Variants in SORCS3 observed in about 807,000 individuals in gnomAD.
SORCS3 encodes the protein VPS10 domain-containing receptor SorCS3.
In SORCS3, 57 loss-of-function variants were observed where a neutral mutation model predicts 146.3. The observed-to-expected ratio is 0.39, with a 90% CI of 0.31 to 0.49. The LOEUF (loss-of-function observed/expected upper bound fraction) is 0.49, where lower values mean the gene tolerates loss of function less well. SORCS3 is among the 20% of genes least tolerant of loss of function. The pLI is 0.92. For missense variants in SORCS3, 1,341 were observed against 1,575.5 expected, an observed-to-expected ratio of 0.85 and a Z score of 2.52; for synonymous variants, 653 against 618.5, an observed-to-expected ratio of 1.06 and a Z score of -0.83.
chr10:104,807,267 A>G (rs895357798), intron 1 of SORCS3, among the ~76,000 whole-genome samples: 9 of 152,010 alleles, frequency 5.9e-5, no homozygotes, highest in Non-Finnish European at 4.4e-5. Context: ...AAAACATACC[A>G]CTTTTTATTC....
Position 104,641,695 on chromosome 10 carries a change from C to A in SORCS3, c.368C>A (p.Ala123Asp). ...CGGGGCCGGGGCATCCCAGCTCCTGCCAAGCTTGGCGGCGCGAGGAGGAGT... is the reference window on the plus strand; with the variant it reads ...CGGGGCCGGGGCATCCCAGCTCCTGACAAGCTTGGCGGCGCGAGGAGGAGT... ...ERRGRGIPAP[A>D]KLGGARRSRR... is the part of the protein sequence containing the mutation. The change falls in exon 1 of 27, where the codon GCC (alanine) becomes GAC (aspartate). Residue 123 changes from alanine (A) to aspartate (D), a missense_variant. By Grantham distance (126) the Ala-to-Asp change is moderately radical (BLOSUM62 -2). Coordinates refer to ENST00000369701, the MANE Select transcript of SORCS3 (RefSeq NM_014978.3). The surrounding 1 kb of genome is among the most constrained non-coding windows in gnomAD (Gnocchi z 6.4). The A allele has an allele frequency of 2.0e-6, 3 of 1,535,030 alleles. No homozygotes were observed. The highest frequency in any genetic ancestry group is 2.6e-6 in the Non-Finnish European group (3 of 1,143,256).
intron 1 of SORCS3, among the ~76,000 whole-genome samples, chr10:104,715,615 G>A (rs946777582): frequency 6.6e-6 from 1 of 152,024 alleles, no homozygotes; most frequent in African/African-American, 2.4e-5. Context: ...ACATCGAAGG[G>A]GTAGGTGAAA....
chr10:104,973,599 A>T (rs1225768134), intron 3 of SORCS3, among the ~76,000 whole-genome samples: 2 of 149,326 alleles, frequency 1.3e-5, no homozygotes, highest in African/African-American at 5.0e-5. Flanking sequence ...TTTCTTTATT[A>T]GTCTTGCTAG....
At chr10:104,739,361 G>T (rs952128921) in intron 1 of SORCS3, among the ~76,000 whole-genome samples, 7 of 152,122 alleles carry the variant, frequency 4.6e-5, no homozygotes, top group African/African-American at 1.4e-4. Context: ...TTCTGCTATT[G>T]TCACATAGAA....
chr10:105,097,038 G>T (rs1409779829), intron 6 of SORCS3, among the ~76,000 whole-genome samples: 1 of 152,140 alleles, frequency 6.6e-6, no homozygotes, highest in East Asian at 1.9e-4. Flanking sequence ...GGATGGTGCT[G>T]CTCTAGACTG....
intron 4 of SORCS3, among the ~76,000 whole-genome samples, chr10:105,025,122 A>G (rs762439095): frequency 4.6e-5 from 7 of 152,140 alleles, no homozygotes; most frequent in Non-Finnish European, 1.0e-4. Context: ...CCTTCCTTCA[A>G]CAGAGATATT....
intron 1 of SORCS3, among the ~76,000 whole-genome samples, chr10:104,798,038 A>G (rs989002138): frequency 2.6e-5 from 4 of 152,106 alleles, no homozygotes; most frequent in African/African-American, 9.7e-5. Context: ...CCCATAAGGT[A>G]ATTTCAGGGG....
At chr10:104,927,658 CACCTGAGGTCAGGAGTTCAAG>C (rs1423970069) in intron 3 of SORCS3, among the ~76,000 whole-genome samples, 1 of 152,122 alleles carries the variant, frequency 6.6e-6, no homozygotes. Flanking sequence ...GCAGGTGGAT[CACCTGAGGTCAGGAGTTCAAG>C]ACTAGCCTGG....
At chr10:105,085,408 C>A (rs571169594) in intron 5 of SORCS3, among the ~76,000 whole-genome samples, 4 of 152,192 alleles carry the variant, frequency 2.6e-5, no homozygotes, top group Non-Finnish European at 5.9e-5. Context: ...TGAGCAGCTT[C>A]ATTTCCTCCC....
intron 3 of SORCS3, among the ~76,000 whole-genome samples, chr10:104,953,513 C>T (rs74455705): frequency 0.079 from 12,039 of 152,278 alleles, 761 homozygotes; most frequent in Non-Finnish European, 0.12. Context: ...AGGTAGGATC[C>T]AGGAAAATGC....
At chr10:104,697,056 G>A (rs2016225044) in intron 1 of SORCS3, among the ~76,000 whole-genome samples, 1 of 151,836 alleles carries the variant, frequency 6.6e-6, no homozygotes, top group African/African-American at 2.4e-5. Flanking sequence ...TCCAGCATGG[G>A]TGGTGATGGA....
At chr10:105,057,306 G>T (rs1027006867) in intron 5 of SORCS3, among the ~76,000 whole-genome samples, 8 of 152,002 alleles carry the variant, frequency 5.3e-5, no homozygotes, top group African/African-American at 1.7e-4. Context: ...AATGACAGAA[G>T]ACCATTCATT....
chr10:105,053,778 T>G (rs1383197454), intron 5 of SORCS3, among the ~76,000 whole-genome samples: 24 of 152,074 alleles, frequency 1.6e-4, no homozygotes, highest in Admixed American at 1.6e-3. Flanking sequence ...ATCATTCTTT[T>G]GTTATTTGAT....
chr10:104,994,434 C>T (rs1254119792), intron 4 of SORCS3, among the ~76,000 whole-genome samples: 5 of 152,094 alleles, frequency 3.3e-5, no homozygotes, highest in Admixed American at 3.3e-4. Context: ...ATTTTTTAAA[C>T]AACTTTATTG....
At chr10:104,810,990 G>A (rs1367259160) in intron 1 of SORCS3, among the ~76,000 whole-genome samples, 1 of 152,130 alleles carries the variant, frequency 6.6e-6, no homozygotes, top group Non-Finnish European at 1.5e-5. Flanking sequence ...GAATTGTACT[G>A]TATGTAAATT....
intron 20 of SORCS3, among the ~76,000 whole-genome samples, chr10:105,233,297 T>C (rs1238916018): frequency 6.6e-6 from 1 of 152,190 alleles, no homozygotes; most frequent in Non-Finnish European, 1.5e-5. Flanking sequence ...TTCACTTGTA[T>C]GTAAACATAC....
intron 13 of SORCS3, among the ~76,000 whole-genome samples, chr10:105,174,478 T>G (rs2056383888): frequency 6.6e-6 from 1 of 152,178 alleles, no homozygotes; most frequent in Non-Finnish European, 1.5e-5. Flanking sequence ...AATGGCAGCC[T>G]ATCCAGACCC....
intron 2 of SORCS3, among the ~76,000 whole-genome samples, chr10:104,893,026 CT>C (rs1193728913): frequency 6.6e-6 from 1 of 152,108 alleles, no homozygotes; most frequent in African/African-American, 2.4e-5. Context: ...ATGGAATCTC[CT>C]TTTAGAAGGA....
chr10:105,049,322 A>T (rs1051573588), intron 5 of SORCS3, among the ~76,000 whole-genome samples: 1 of 151,892 alleles, frequency 6.6e-6, no homozygotes, highest in Non-Finnish European at 1.5e-5. Flanking sequence ...CTTCCCTTTC[A>T]TGGACTCTAA....
Sources: gnomAD v4.1 joint callset for allele counts (sites outside exome capture counted in the v4.1 genomes callset) on GRCh38, gnomAD v4.1.1 for gene constraint, Gnocchi (gnomAD v3.1) non-coding constraint, MANE v1.5 for transcripts, NCBI Gene and HGNC (gene_info 2026-07-23, HGNC 2026-07-21) for gene names.